ZBTB47: variants seen among roughly 807,000 people sequenced by gnomAD.
ZBTB47 encodes zinc finger and BTB domain-containing protein 47.
A neutral mutation model predicts 56.6 loss-of-function variants in ZBTB47; 24 were observed. The ratio of observed to expected loss-of-function variants is 0.42; its 90% CI spans 0.31 to 0.60. The LOEUF (loss-of-function observed/expected upper bound fraction) is 0.60, where lower values mean the gene tolerates loss of function less well. Among genes scored for constraint, ZBTB47 ranks in the 20% least tolerant of loss-of-function variants. The probability of loss-of-function intolerance (pLI) is 0.14; values close to 1 mark genes in which losing one functional copy is unlikely to be tolerated. For missense variants in ZBTB47, 829 were observed against 1,032.6 expected (o/e 0.80, Z 2.70); for synonymous variants, 414 against 418.9 (o/e 0.99, Z 0.14).
At chr3:42,657,620 G>A (rs180800426) in intron 1 of ZBTB47, among the ~76,000 whole-genome samples, 1 of 152,338 alleles carries the variant, frequency 6.6e-6, no homozygotes, top group East Asian at 1.9e-4. Flanking sequence ...TTCTTCACAG[G>A]TTTCAACTTC....
Position 42,664,890 on chromosome 3 carries a change from C to T in ZBTB47, c.*292C>T. 1 of 271,926 alleles carries T rather than the reference C, an allele frequency of 3.7e-6. No individual in the cohort carries two copies. The allele number at this position is 271,926 out of a possible 1,614,324, so 16.8% of individuals were successfully genotyped here. On this transcript the variant is annotated 3_prime_UTR_variant, in exon 6 of 6. Coordinates refer to ENST00000232974, the MANE Select transcript of ZBTB47 (RefSeq NM_145166.4). Reference sequence around the variant, plus strand: ...AAGGAAAAAGAAACTATTTACAGCACTCCCCTCCAGGTGAGGGGGGTGCTG... The same window carrying T: ...AAGGAAAAAGAAACTATTTACAGCATTCCCCTCCAGGTGAGGGGGGTGCTG...
chr3:42,658,258 G>A lies in ZBTB47; in HGVS notation c.-81-17G>A. 3 of 1,462,658 alleles carry A rather than the reference G, an allele frequency of 2.1e-6. No homozygotes were observed. Among genetic ancestry groups the A allele is most frequent in the Non-Finnish European group, 2.7e-6 (3 of 1,110,982 alleles). 90.6% of individuals were successfully genotyped at this position (1,462,658 alleles called of 1,614,324 possible). ...CCCACTGGCCTTGACCCACTCCTGT[G>A]CCCTCTGTCCCCGCAGTTGCTGGTT... On this transcript the variant is annotated splice_polypyrimidine_tract_variant and intron_variant, in intron 1 of 5. Coordinates refer to ENST00000232974, the MANE Select transcript of ZBTB47 (RefSeq NM_145166.4).
chr3:42,658,664 G>T lies in ZBTB47; in HGVS notation c.309G>T (p.Ala103=). 6.5e-7 allele frequency: 1 copy of T among 1,536,562 alleles called. No individual in the cohort carries two copies. Among genetic ancestry groups the T allele is most frequent in the Non-Finnish European group, 8.7e-7 (1 of 1,146,900 alleles). ...TGCTGCAGATGGCTGACATCGCTGC[G>T]TCCTGCCAAGAGCTGCTGGACGCCC... ...ASLLQMADIA[A]SCQELLDARS... Residue 103 remains alanine (A), a synonymous_variant, in exon 2 of 6, where the codon GCG becomes GCT. Coordinates refer to ENST00000232974, the MANE Select transcript of ZBTB47 (RefSeq NM_145166.4).
chr3:42,661,493 A>C lies in ZBTB47; in HGVS notation c.1482A>C (p.Thr494=). The C allele has an allele frequency of 6.2e-7, 1 of 1,613,916 alleles. No homozygotes were observed. Among genetic ancestry groups the C allele is most frequent in the Non-Finnish European group, 8.5e-7 (1 of 1,179,836 alleles). ...GTCCTCTTATTCTGCAGTGTGTGAC[A>C]TGTGGCAAAGCTTTCAAGAAGCTTT... ...TDCERNIQCV[T]CGKAFKKLWS... Residue 494 remains threonine, a synonymous_variant, in exon 3 of 6, where the codon ACA becomes ACC. Coordinates refer to ENST00000232974, the MANE Select transcript of ZBTB47 (RefSeq NM_145166.4).
rs1710663430 is a variant in ZBTB47, at chr3:42,658,368, A to ACCC, written c.13_14insCCC (p.Asn5delinsThrHis). On this transcript the variant is annotated protein_altering_variant, in exon 2 of 6. Coordinates refer to ENST00000232974, the MANE Select transcript of ZBTB47 (RefSeq NM_145166.4). ...CTTTGCCTGCTTGATGGGCCGCCTG[A>ACCC]ACGAGCAGCGCCTCTTCCAGCCTGA... 1 of 1,533,846 alleles carries ACCC rather than the reference A, an allele frequency of 6.5e-7. No homozygotes were observed. Among genetic ancestry groups the ACCC allele is most frequent in the Admixed American group, 2.0e-5 (1 of 50,894 alleles).
In ZBTB47 at chr3:42,663,446, A is replaced by T. The variant is rs916053634; in HGVS notation, c.1737+319A>T. On this transcript the variant is annotated intron_variant, in intron 4 of 5. Transcript: ENST00000232974. The surrounding 1 kb of genome is among the most constrained non-coding windows in gnomAD (Gnocchi z 5.1). Reference sequence around the variant, plus strand: ...GGAGCATCCCAGGCCTGGAGCTCAGATGAGACAACAGAGCTGCAGGTGGGG... The same window carrying T: ...GGAGCATCCCAGGCCTGGAGCTCAGTTGAGACAACAGAGCTGCAGGTGGGG... 6.6e-6 allele frequency among the ~76,000 whole-genome samples: 1 copy of T among 152,092 alleles called. No homozygotes were observed. The highest frequency in any genetic ancestry group is 1.9e-4 in the East Asian group (1 of 5,172).
At chr3:42,655,541 A>G (rs1216608551) in intron 1 of ZBTB47, among the ~76,000 whole-genome samples, 2 of 152,222 alleles carry the variant, frequency 1.3e-5, no homozygotes, top group African/African-American at 2.4e-5. Context: ...CCTGGCAACC[A>G]GAGTGCCTGA....
chr3:42,660,800 A>G (rs991309991), intron 2 of ZBTB47, among the ~76,000 whole-genome samples: 2 of 152,124 alleles, frequency 1.3e-5, no homozygotes, highest in African/African-American at 4.8e-5. Context: ...TCCCTCCTGA[A>G]GGAAAAAGAA....
Position 42,664,577 on chromosome 3 carries a change from G to C in ZBTB47, c.2223G>C (p.Gly741=). 1 of 1,416,278 alleles carries C rather than the reference G, an allele frequency of 7.1e-7. No individual in the cohort carries two copies. The highest frequency in any genetic ancestry group is 9.1e-7 in the Non-Finnish European group (1 of 1,099,360). The allele number at this position is 1,416,278 out of a possible 1,614,324, so 87.7% of individuals were successfully genotyped here. The change falls in exon 6 of 6, where the codon GGG becomes GGC. Residue 741 remains glycine (G), a synonymous_variant. Coordinates refer to ENST00000232974, the MANE Select transcript of ZBTB47 (RefSeq NM_145166.4). ...TCCCCACCACTGCCAGCCCCGGCGGGAGGATGAACGCCAACAACTAGCTGC... is the reference window on the plus strand; with the variant it reads ...TCCCCACCACTGCCAGCCCCGGCGGCAGGATGAACGCCAACAACTAGCTGC... ...PLFPTTASPG[G]RMNANN
At chr3:42,653,125 G>T (rs3900780), upstream of ZBTB47, among the ~76,000 whole-genome samples, 15,486 of 152,220 alleles carry the variant, frequency 0.1, 862 homozygotes, top group South Asian at 0.15. Context: ...CTCTGGGATA[G>T]CCTTATCCTG....
At position 42,664,271 on chromosome 3, in the gene ZBTB47, GAGCTTCACC is replaced by G; in HGVS notation, c.1921_1929del (p.Phe641_Ser643del). ...CGTACATCTGCGAGATCTGTGGCAAGAGCTTCACCAGCCGGCCCAACATGAAGCGGCACC... is the reference window on the plus strand; with the variant it reads ...CGTACATCTGCGAGATCTGTGGCAAGAGCCGGCCCAACATGAAGCGGCACC... On this transcript the variant is annotated inframe_deletion, in exon 6 of 6. Coordinates refer to ENST00000232974, the MANE Select transcript of ZBTB47 (RefSeq NM_145166.4). 1 of 1,613,736 alleles carries G rather than the reference GAGCTTCACC, an allele frequency of 6.2e-7. No individual in the cohort carries two copies. The highest frequency in any genetic ancestry group is 8.5e-7 in the Non-Finnish European group (1 of 1,179,820).
At position 42,663,593 on chromosome 3, in the gene ZBTB47, C is replaced by T. The variant is rs1710747708; in HGVS notation, c.1738-204C>T. On this transcript the variant is annotated intron_variant, in intron 4 of 5. Coordinates refer to ENST00000232974, the MANE Select transcript of ZBTB47 (RefSeq NM_145166.4). This position sits in a 1 kb window ranked among gnomAD's most constrained non-coding sequence, Gnocchi z 5.1. ...TTCCGACCCCCATTCCCCACCTAAGCCTTGGGTGCTTGTGGCCTCTCCTCT... is the reference window on the plus strand; with the variant it reads ...TTCCGACCCCCATTCCCCACCTAAGTCTTGGGTGCTTGTGGCCTCTCCTCT... Among the ~76,000 whole-genome samples, 1 of 152,082 alleles carries T rather than the reference C, an allele frequency of 6.6e-6. No homozygotes were observed. Among genetic ancestry groups the T allele is most frequent in the Non-Finnish European group, 1.5e-5 (1 of 68,012 alleles).
Position 42,666,856 on chromosome 3 carries a change from C to T in ZBTB47, c.*2258C>T, listed in dbSNP as rs1318335290. ...CTGACCAGACAGCTTGACAGCTGGT[C>T]AAGACGGTCACGGGAGCTCTAGGTG... On this transcript the variant is annotated 3_prime_UTR_variant, in exon 6 of 6. Transcript: ENST00000232974. Among the ~76,000 whole-genome samples, 2 of 152,172 alleles carry T rather than the reference C, an allele frequency of 1.3e-5. No homozygotes were observed. The highest frequency in any genetic ancestry group is 4.1e-4 in the South Asian group (2 of 4,826).
chr3:42,661,645 C>T lies in ZBTB47; in HGVS notation c.1621+13C>T, dbSNP rs529517905. 4 of 1,613,394 alleles carry T rather than the reference C, an allele frequency of 2.5e-6. No homozygotes were observed. In the East Asian group the frequency reaches 8.9e-5, roughly 36 times the overall value. ...AAGCACATGGTTGGTAAGTCTGGGC[C>T]ACTGGGGGATGGAGCCAGAGGATAG... On this transcript the variant is annotated intron_variant, in intron 3 of 5. Transcript: ENST00000232974.
intron 3 of ZBTB47, among the ~76,000 whole-genome samples, chr3:42,662,734 T>C (rs933882873): frequency 1.3e-5 from 2 of 152,154 alleles, no homozygotes; most frequent in African/African-American, 2.4e-5. Flanking sequence ...CCCTGAAGCT[T>C]TGGGGGCAAG....
At position 42,661,568 on chromosome 3, in the gene ZBTB47, G is replaced by A. The variant is rs1710721536; in HGVS notation, c.1557G>A (p.Lys519=). ...NKIVHGYAEK[K]FSCEICEKKF... Reference sequence around the variant, plus strand: ...TTGTGCACGGCTACGCAGAGAAGAAGTTCTCATGCGAGATCTGTGAGAAGA... The same window carrying A: ...TTGTGCACGGCTACGCAGAGAAGAAATTCTCATGCGAGATCTGTGAGAAGA... Residue 519 remains lysine (K), a synonymous_variant, in exon 3 of 6, where the codon AAG becomes AAA. Coordinates refer to ENST00000232974, the MANE Select transcript of ZBTB47 (RefSeq NM_145166.4). 6.2e-7 allele frequency: 1 copy of A among 1,614,078 alleles called. No homozygotes were observed. The highest frequency in any genetic ancestry group is 1.7e-5 in the Admixed American group (1 of 60,032).
In ZBTB47 at chr3:42,663,252, C is replaced by G; in HGVS notation, c.1737+125C>G. 2.8e-6 allele frequency: 2 copies of G among 716,266 alleles called. No individual in the cohort carries two copies. Among genetic ancestry groups the G allele is most frequent in the Non-Finnish European group, 4.8e-6 (2 of 415,606 alleles). The allele number at this position is 716,266 out of a possible 1,614,324, so 44.4% of individuals were successfully genotyped here. A position where few individuals can be genotyped will look rare whatever the true frequency, so the allele number is the denominator to read the frequency against. On this transcript the variant is annotated intron_variant, in intron 4 of 5. Coordinates refer to ENST00000232974, the MANE Select transcript of ZBTB47 (RefSeq NM_145166.4). The surrounding 1 kb of genome is among the most constrained non-coding windows in gnomAD (Gnocchi z 5.1). Reference sequence around the variant, plus strand: ...ATGTAGTGTCCAGAAAGAGAGAGCCCTGCCCTCTGAGGTCTGCAGCCCCTG... The same window carrying G: ...ATGTAGTGTCCAGAAAGAGAGAGCCGTGCCCTCTGAGGTCTGCAGCCCCTG...
In ZBTB47 at chr3:42,664,000, G is replaced by A. The variant is rs943224109; in HGVS notation, c.1882+59G>A. On this transcript the variant is annotated intron_variant, in intron 5 of 5. Transcript: ENST00000232974. The surrounding 1 kb of genome is among the most constrained non-coding windows in gnomAD (Gnocchi z 5.1). The stretch of plus-strand genomic sequence containing the variant: ...GGGCCTGGGACCCCTTCTCAGCCCC[G>A]CTCAGGACACCTGGAATAATCTTGG... The A allele has an allele frequency of 5.8e-6, 9 of 1,550,386 alleles. No individual in the cohort carries two copies. Among genetic ancestry groups the A allele is most frequent in the Non-Finnish European group, 7.0e-6 (8 of 1,144,712 alleles).
chr3:42,655,864 G>A (rs1358105576), intron 1 of ZBTB47, among the ~76,000 whole-genome samples: 1 of 152,258 alleles, frequency 6.6e-6, no homozygotes, highest in Admixed American at 6.5e-5. Flanking sequence ...TAGCAATGGA[G>A]TGTTTGAGAA....
Sources: allele counts gnomAD v4.1 joint callset (sites outside exome capture counted in the v4.1 genomes callset), GRCh38; gene constraint gnomAD v4.1.1; non-coding constraint Gnocchi (gnomAD v3.1); transcripts MANE v1.5; gene names NCBI Gene and HGNC (gene_info 2026-07-23, HGNC 2026-07-21).